IFT88: variants seen among roughly 807,000 people sequenced by gnomAD.
IFT88 encodes the protein intraflagellar transport protein 88 homolog.
Under a neutral mutation model 119.5 loss-of-function variants are expected in IFT88, and 74 were observed. The ratio of observed to expected loss-of-function variants is 0.62; its 90% CI spans 0.51 to 0.75. IFT88 has a LOEUF of 0.75. Among genes scored for constraint, IFT88 ranks in the 30% least tolerant of loss-of-function variants. IFT88 has a pLI of 0.00. For missense variants in IFT88, 961 were observed against 977.7 expected (o/e 0.98, Z 0.23); for synonymous variants, 279 against 316.7 (o/e 0.88, Z 1.26).
intron 23 of IFT88, among the ~76,000 whole-genome samples, chr13:20,667,176 C>T (rs1390537774): frequency 6.6e-6 from 1 of 152,180 alleles, no homozygotes; most frequent in Admixed American, 6.5e-5. Flanking sequence ...GAGGCCTTAT[C>T]TCACATCCAC....
chr13:20,603,335 C>T (rs922098259), intron 12 of IFT88, among the ~76,000 whole-genome samples: 6 of 148,796 alleles, frequency 4.0e-5, no homozygotes, highest in South Asian at 4.3e-4. Context: ...TTGCAGGAGC[C>T]GAGATCGCAC....
At chr13:20,592,540 G>C in intron 7 of IFT88, 136 bp downstream of exon 7, 2 of 589,292 alleles carry the variant, frequency 3.4e-6, no homozygotes, top group Non-Finnish European at 2.9e-6. Context: ...TGCGATCTTG[G>C]CTCACTGCAA....
chr13:20,673,671 C>T lies in IFT88; in HGVS notation c.2242+2632C>T, dbSNP rs115225626. ...GAAGAGAGGTAGGGCCACCCCAGAT[C>T]TGATACCTGTGTGCTATAAAAGAGA... On this transcript the variant is annotated intron_variant, in intron 24 of 25. Coordinates refer to ENST00000351808, the MANE Select transcript of IFT88 (RefSeq NM_006531.5). Among the ~76,000 whole-genome samples the T allele has an allele frequency of 1.7e-3, 254 of 152,350 alleles. 1 individual carries two copies. Among genetic ancestry groups the T allele is most frequent in the African/African-American group, 5.9e-3 (245 of 41,588 alleles).
chr13:20,573,098 AG>A (rs1390608060), intron 1 of IFT88, among the ~76,000 whole-genome samples: 3 of 152,172 alleles, frequency 2.0e-5, no homozygotes, highest in Non-Finnish European at 2.9e-5. Flanking sequence ...TACCAGGTCC[AG>A]AGAGGCGTGG....
At chr13:20,680,487 C>T (rs1308266607) in intron 24 of IFT88, among the ~76,000 whole-genome samples, 1 of 152,188 alleles carries the variant, frequency 6.6e-6, no homozygotes, top group Non-Finnish European at 1.5e-5. Context: ...TTTGTTTCAG[C>T]AGTCACTGGG....
intron 15 of IFT88, among the ~76,000 whole-genome samples, chr13:20,629,779 C>A (rs1047850124): frequency 6.6e-6 from 1 of 152,172 alleles, no homozygotes; most frequent in Admixed American, 6.5e-5. Context: ...GTTACTTTTG[C>A]TTCTACATAA....
At chr13:20,637,860 T>C (rs2442452) in intron 16 of IFT88, among the ~76,000 whole-genome samples, 24,994 of 152,156 alleles carry the variant, frequency 0.16, 2,400 homozygotes, top group African/African-American at 0.25. Flanking sequence ...GAGAGGTTCC[T>C]GTAGCTCACG....
chr13:20,662,233 G>A lies in IFT88; in HGVS notation c.2069-1265G>A, dbSNP rs533102074. Among the ~76,000 whole-genome samples the A allele has an allele frequency of 2.0e-5, 3 of 152,048 alleles. No homozygotes were observed. The South Asian group carries it at 6.2e-4, about 32-fold the overall frequency. On this transcript the variant is annotated intron_variant, in intron 22 of 25. Transcript: ENST00000351808. ...ACTCTAACAGACCTGCAGCTGAGGG[G>A]CTTGTCTGTTAGAAGGAAGACTAAA...
At chr13:20,686,814 A>T (rs1046139916) in intron 24 of IFT88, among the ~76,000 whole-genome samples, 4 of 152,104 alleles carry the variant, frequency 2.6e-5, no homozygotes, top group Non-Finnish European at 5.9e-5. Context: ...TTCCTTGGAA[A>T]CAATTCATTT....
intron 24 of IFT88, among the ~76,000 whole-genome samples, chr13:20,690,401 A>T (rs1200181196): frequency 6.6e-6 from 1 of 152,216 alleles, no homozygotes; most frequent in East Asian, 1.9e-4. Context: ...GGGCAATTAT[A>T]AGAGTCAGGG....
chr13:20,580,769 A>G (rs1430254007), intron 2 of IFT88, among the ~76,000 whole-genome samples: 10 of 131,538 alleles, frequency 7.6e-5, no homozygotes, highest in African/African-American at 2.4e-4. Flanking sequence ...TCTGTAGCCC[A>G]GGGTGGAGTG....
At chr13:20,653,709 T>C (rs1313431337) in intron 20 of IFT88, among the ~76,000 whole-genome samples, 167 bp from the exon 21 acceptor site, 2 of 152,184 alleles carry the variant, frequency 1.3e-5, no homozygotes, top group Non-Finnish European at 2.9e-5. Flanking sequence ...CTGATATAAA[T>C]ATGACAAGCA....
At chr13:20,690,286 TA>T (rs1324056991) in intron 24 of IFT88, among the ~76,000 whole-genome samples, 1 of 152,188 alleles carries the variant, frequency 6.6e-6, no homozygotes, top group Non-Finnish European at 1.5e-5. Flanking sequence ...AATTTCTGGT[TA>T]AAAAGTACTA....
intron 24 of IFT88, among the ~76,000 whole-genome samples, chr13:20,675,457 A>G (rs938341859): frequency 6.6e-6 from 1 of 152,236 alleles, no homozygotes; most frequent in Admixed American, 6.5e-5. Context: ...GAACAGCACC[A>G]GAGCACCAAA....
chr13:20,657,789 A>ATAAG (rs1401555565), intron 22 of IFT88, among the ~76,000 whole-genome samples: 7 of 152,050 alleles, frequency 4.6e-5, no homozygotes, highest in African/African-American at 7.2e-5. Context: ...AAATAAATAA[A>ATAAG]TAAATAAATT....
At chr13:20,570,465 ACAATT>A (rs1400035571) in intron 1 of IFT88, among the ~76,000 whole-genome samples, 1 of 152,260 alleles carries the variant, frequency 6.6e-6, no homozygotes, top group East Asian at 1.9e-4. Flanking sequence ...AAAAGTGGAA[ACAATT>A]CAAATGTCCA....
intron 22 of IFT88, among the ~76,000 whole-genome samples, chr13:20,660,581 T>C (rs2053623726): frequency 6.6e-6 from 1 of 152,230 alleles, no homozygotes; most frequent in Non-Finnish European, 1.5e-5. Context: ...CAGTATTCAC[T>C]TGGACTAATG....
chr13:20,613,747 A>G (rs1390950340), intron 13 of IFT88, among the ~76,000 whole-genome samples: 3 of 152,270 alleles, frequency 2.0e-5, no homozygotes, highest in African/African-American at 4.8e-5. Flanking sequence ...ATTCAGCCAT[A>G]CAAAGGAATG....
intron 1 of IFT88, among the ~76,000 whole-genome samples, chr13:20,568,179 TA>T (rs34335945): frequency 3.4e-3 from 482 of 142,970 alleles, no homozygotes; most frequent in Middle Eastern, 7.1e-3. Context: ...ACCTTTCACT[TA>T]AAAAAAAAAA....
Sources: allele counts gnomAD v4.1 joint callset (sites outside exome capture counted in the v4.1 genomes callset), GRCh38; gene constraint gnomAD v4.1.1; transcripts MANE v1.5; gene names NCBI Gene and HGNC (gene_info 2026-07-23, HGNC 2026-07-21).